TYR: variants seen among roughly 807,000 people sequenced by gnomAD.
TYR encodes the protein LB24-AB.
A neutral mutation model predicts 51.5 loss-of-function variants in TYR; 58 were observed. The observed-to-expected ratio is 1.13, with a 90% CI of 0.91 to 1.40. The LOEUF is 1.40. TYR is among the 40% of genes most tolerant of loss of function. The pLI is 0.00. For synonymous variants in TYR, 263 were observed against 235.2 expected (o/e 1.12, Z -1.08); for missense variants, 732 against 647.4 (o/e 1.13, Z -1.42).
chr11:89,184,360 C>A (rs1943340311), intron 1 of TYR, among the ~76,000 whole-genome samples: 1 of 152,110 alleles, frequency 6.6e-6, no homozygotes, highest in East Asian at 1.9e-4. Context: ...ATGATTTAGT[C>A]TACATACTTG....
chr11:89,223,461 T>G lies in TYR; in HGVS notation c.1037-4362T>G, dbSNP rs201943555. ...TGAAAAGATAAAATAGAAAATAGTT[T>G]GTTCACATTTTTATATTATTTGTCA... On this transcript the variant is annotated intron_variant, in intron 2 of 4. Transcript: ENST00000263321. Among the ~76,000 whole-genome samples, 5 of 152,308 alleles carry G rather than the reference T, an allele frequency of 3.3e-5. No homozygotes were observed. The East Asian group carries it at 9.6e-4, about 29-fold the overall frequency.
intron 3 of TYR, among the ~76,000 whole-genome samples, chr11:89,250,887 G>A (rs1050967230): frequency 1.3e-5 from 2 of 151,934 alleles, no homozygotes; most frequent in African/African-American, 4.8e-5. Flanking sequence ...AAGTCAAACA[G>A]TAGTGGAATA....
chr11:89,250,277 TA>T (rs1187370704), intron 3 of TYR, among the ~76,000 whole-genome samples: 1 of 151,916 alleles, frequency 6.6e-6, no homozygotes, highest in African/African-American at 2.4e-5. Flanking sequence ...CTTTAATCCT[TA>T]AAAATGAATA....
At chr11:89,199,654 A>G (rs1477669387) in intron 2 of TYR, among the ~76,000 whole-genome samples, 1 of 152,184 alleles carries the variant, frequency 6.6e-6, no homozygotes, top group Non-Finnish European at 1.5e-5. Flanking sequence ...TATCATGAGA[A>G]TTTATGTACA....
chr11:89,216,508 C>A (rs909454017), intron 2 of TYR, among the ~76,000 whole-genome samples: 3 of 151,726 alleles, frequency 2.0e-5, no homozygotes, highest in Non-Finnish European at 2.9e-5. Flanking sequence ...AAAAAATTAG[C>A]CAGGCATGGT....
Position 89,222,578 on chromosome 11 carries a change from A to G in TYR, c.1037-5245A>G, listed in dbSNP as rs558053650. Among the ~76,000 whole-genome samples, 5 of 152,182 alleles carry G rather than the reference A, an allele frequency of 3.3e-5. No individual in the cohort carries two copies. In the South Asian group the frequency reaches 1.0e-3, roughly 32 times the overall value. On this transcript the variant is annotated intron_variant, in intron 2 of 4. Coordinates refer to ENST00000263321, the MANE Select transcript of TYR (RefSeq NM_000372.5). ...ACATGGGGAATCCCCACCTCTACGA[A>G]AAATACAAAAATTAGCCAGGCATGC...
intron 2 of TYR, among the ~76,000 whole-genome samples, chr11:89,220,237 T>TA (rs956266021): frequency 1.3e-5 from 2 of 152,186 alleles, no homozygotes; most frequent in African/African-American, 4.8e-5. Flanking sequence ...GGCTGAAACT[T>TA]ACAATTATGG....
In TYR at chr11:89,191,363, T is replaced by C. The variant is rs779029879; in HGVS notation, c.981T>C (p.Tyr327=). 6.2e-7 allele frequency: 1 copy of C among 1,613,772 alleles called. No individual in the cohort carries two copies. The change falls in exon 2 of 5, where the codon TAT becomes TAC. Residue 327 remains tyrosine (Y), a synonymous_variant. Transcript: ENST00000263321. ...DVEFCLSLTQ[Y]ESGSMDKAAN... ...AATTTTGCCTGAGTTTGACCCAATA[T>C]GAATCTGGTTCCATGGATAAAGCTG...
At chr11:89,252,543 G>A (rs1003417301) in intron 3 of TYR, among the ~76,000 whole-genome samples, 1 of 151,786 alleles carries the variant, frequency 6.6e-6, no homozygotes, top group Non-Finnish European at 1.5e-5. Flanking sequence ...CAAGTCAAAG[G>A]AAGATTTTAG....
intron 3 of TYR, among the ~76,000 whole-genome samples, chr11:89,246,533 G>A (rs780195497): frequency 2.6e-5 from 4 of 152,176 alleles, no homozygotes; most frequent in African/African-American, 7.2e-5. Flanking sequence ...CTCCCTTAGC[G>A]TGTCTCTTAA....
At chr11:89,262,297 G>A (rs1257944345) in intron 3 of TYR, among the ~76,000 whole-genome samples, 1 of 152,054 alleles carries the variant, frequency 6.6e-6, no homozygotes, top group Non-Finnish European at 1.5e-5. Context: ...GACCTCAGGT[G>A]ATCTGCCAGC....
In TYR at chr11:89,295,323, T is replaced by C. The variant is rs757266406; in HGVS notation, c.1547T>C (p.Met516Thr). Residue 516 changes from methionine (M) to threonine (T), a missense_variant, in exon 5 of 5, where the codon ATG becomes ACG. Met to Thr is a moderately conservative substitution (Grantham distance 81, BLOSUM62 -1). Transcript: ENST00000263321. ...QLPEEKQPLL[M>T]EKEDYHSLYQ... ...CCTGAAGAAAAGCAGCCACTCCTCA[T>C]GGAGAAAGAGGATTACCACAGCTTG... The C allele has an allele frequency of 8.1e-6, 13 of 1,613,452 alleles. No homozygotes were observed. The highest frequency in any genetic ancestry group is 5.0e-5 in the Admixed American group (3 of 59,916).
At chr11:89,216,647 CAAAAAA>C (rs11411684) in intron 2 of TYR, among the ~76,000 whole-genome samples, 94 of 80,800 alleles carry the variant, frequency 1.2e-3, no homozygotes, top group African/African-American at 3.3e-3. Flanking sequence ...TTTTCCATCT[CAAAAAA>C]AAAAAAAAAA....
At chr11:89,277,296 T>A (rs1449470862) in intron 3 of TYR, among the ~76,000 whole-genome samples, 2 of 151,744 alleles carry the variant, frequency 1.3e-5, no homozygotes, top group East Asian at 3.9e-4. Context: ...ATTATACAAC[T>A]GCAATTCAAT....
chr11:89,222,599 C>T (rs1416262036), intron 2 of TYR, among the ~76,000 whole-genome samples: 1 of 152,056 alleles, frequency 6.6e-6, no homozygotes, highest in Non-Finnish European at 1.5e-5. Context: ...ATTAGCCAGG[C>T]ATGCTGGCTT....
In TYR at chr11:89,284,959, A is replaced by G. The variant is rs61754397; in HGVS notation, c.1366+5A>G. On this transcript the variant is annotated splice_donor_5th_base_variant and intron_variant, in intron 4 of 4. Transcript: ENST00000263321. ...ATAGCTATCTACAAGATTCAGGTAA[A>G]GTTTACTTTCTTTCAGAGGAATTGC... is the stretch of plus-strand genomic sequence containing the variant. 1 of 1,610,284 alleles carries G rather than the reference A, an allele frequency of 6.2e-7. No individual in the cohort carries two copies. Among genetic ancestry groups the G allele is most frequent in the South Asian group, 1.1e-5 (1 of 90,992 alleles).
chr11:89,250,886 A>G (rs933425580), intron 3 of TYR, among the ~76,000 whole-genome samples: 22 of 152,124 alleles, frequency 1.4e-4, no homozygotes, highest in Non-Finnish European at 5.9e-5. Context: ...AAAGTCAAAC[A>G]GTAGTGGAAT....
intron 4 of TYR, 98 bp from the exon 5 acceptor site, chr11:89,295,045 C>G: frequency 6.4e-7 from 1 of 1,557,432 alleles, no homozygotes; most frequent in Non-Finnish European, 8.7e-7. Flanking sequence ...GCCTTCAAAC[C>G]CAGGTGTCTA....
At chr11:89,220,077 C>G (rs917691064) in intron 2 of TYR, among the ~76,000 whole-genome samples, 2 of 151,944 alleles carry the variant, frequency 1.3e-5, no homozygotes, top group African/African-American at 2.4e-5. Flanking sequence ...AAATTCTGAC[C>G]CTGCCACTTA....
Sources: allele counts gnomAD v4.1 joint callset (sites outside exome capture counted in the v4.1 genomes callset), GRCh38; gene constraint gnomAD v4.1.1; transcripts MANE v1.5; gene names NCBI Gene and HGNC (gene_info 2026-07-23, HGNC 2026-07-21).